The following ARAP2 variants were observed in gnomAD, a reference collection of about 807,000 sequenced individuals.
The protein encoded by ARAP2 is ArfGAP with RhoGAP domain, ankyrin repeat and PH domain 2, also known as arf-GAP with Rho-GAP domain, ANK repeat and PH domain-containing protein 2.
ARAP2 carries 148 observed loss-of-function variants against 194.5 expected under a neutral mutation model. The ratio of observed to expected loss-of-function variants is 0.76; its 90% CI spans 0.67 to 0.87. The LOEUF (loss-of-function observed/expected upper bound fraction) is 0.87. Ranked by LOEUF, ARAP2 falls within the 40% of genes least tolerant of loss-of-function variation. ARAP2 has a pLI of 0.00. For missense variants in ARAP2, 2,128 were observed against 1,989.7 expected, an observed-to-expected ratio of 1.07 and a Z score of -1.32; for synonymous variants, 695 against 683.5, an observed-to-expected ratio of 1.02 and a Z score of -0.26.
chr4:36,075,336 T>C (rs930796507), intron 31 of ARAP2, among the ~76,000 whole-genome samples: 1 of 152,114 alleles, frequency 6.6e-6, no homozygotes, highest in Admixed American at 6.6e-5. Flanking sequence ...CTAAGAGGCA[T>C]TTTTTTCTAC....
chr4:36,236,046 G>A (rs763870120), intron 1 of ARAP2, among the ~76,000 whole-genome samples: 5 of 151,972 alleles, frequency 3.3e-5, no homozygotes, highest in African/African-American at 4.8e-5. Flanking sequence ...GGGTGTGGTG[G>A]TGCACACCTG....
intron 27 of ARAP2, among the ~76,000 whole-genome samples, chr4:36,101,178 C>A (rs1291407833): frequency 6.6e-6 from 1 of 151,898 alleles, no homozygotes; most frequent in Non-Finnish European, 1.5e-5. Context: ...TGAGCATCTG[C>A]AGATTTTGGT....
chr4:36,112,491 G>A (rs1720264386), intron 26 of ARAP2, among the ~76,000 whole-genome samples: 1 of 151,844 alleles, frequency 6.6e-6, no homozygotes. Context: ...AGATATTTCT[G>A]GCAATAATGC....
At chr4:36,104,867 T>C (rs1218590147) in intron 27 of ARAP2, among the ~76,000 whole-genome samples, 1 of 152,024 alleles carries the variant, frequency 6.6e-6, no homozygotes, top group African/African-American at 2.4e-5. Context: ...TTAATGTATT[T>C]GCTGATGGTT....
At chr4:36,047,774 T>C (rs1722065180) in intron 3 of ARAP2, among the ~76,000 whole-genome samples, 1 of 152,222 alleles carries the variant, frequency 6.6e-6, no homozygotes, top group Non-Finnish European at 1.5e-5. Context: ...TTTAGGTTTA[T>C]TATCTCTGAA....
At chr4:36,099,808 A>C (rs1267027527) in intron 27 of ARAP2, among the ~76,000 whole-genome samples, 1 of 152,056 alleles carries the variant, frequency 6.6e-6, no homozygotes, top group East Asian at 1.9e-4. Flanking sequence ...TACAGTACTT[A>C]CCCAGTGGAT....
At chr4:36,150,378 G>GC (rs1730671757) in intron 16 of ARAP2, among the ~76,000 whole-genome samples, 1 of 152,106 alleles carries the variant, frequency 6.6e-6, no homozygotes, top group Non-Finnish European at 1.5e-5. Context: ...AGGCACGGTG[G>GC]CTCACGCCTG....
intron 5 of ARAP2, among the ~76,000 whole-genome samples, chr4:36,025,329 G>A (rs1293166038): frequency 6.6e-6 from 1 of 152,082 alleles, no homozygotes; most frequent in Non-Finnish European, 1.5e-5. Flanking sequence ...TCTTTTTAAA[G>A]CAACTCTTAG....
intron 5 of ARAP2, among the ~76,000 whole-genome samples, chr4:36,038,737 A>G (rs967052860): frequency 6.6e-6 from 1 of 152,190 alleles, no homozygotes; most frequent in Non-Finnish European, 1.5e-5. Flanking sequence ...GCTAATTGTG[A>G]TGATAATTAC....
chr4:36,232,889 T>G (rs1441085411), intron 1 of ARAP2, among the ~76,000 whole-genome samples: 2 of 152,172 alleles, frequency 1.3e-5, no homozygotes, highest in Non-Finnish European at 2.9e-5. Context: ...TATGCATGTG[T>G]GTATTTTTGT....
intron 27 of ARAP2, among the ~76,000 whole-genome samples, chr4:36,104,997 C>T: frequency 6.6e-6 from 1 of 151,886 alleles, no homozygotes; most frequent in Non-Finnish European, 1.5e-5. Context: ...TTATGGCTCC[C>T]ACCCTGTTAG....
chr4:36,146,751 T>A lies in ARAP2; in HGVS notation c.3263+545A>T, dbSNP rs186328838. On this transcript the variant is annotated intron_variant, in intron 19 of 32. Coordinates refer to ENST00000303965, the MANE Select transcript of ARAP2 (RefSeq NM_015230.4). ...GATGGACAGAATAGCATATAATTAT[T>A]TTTGTCTGCTTACACTGTTTTCCCT... Among the ~76,000 whole-genome samples the A allele has an allele frequency of 6.6e-4, 101 of 152,178 alleles. 1 individual carries two copies. The highest frequency in any genetic ancestry group is 3.4e-3 in the Middle Eastern group (1 of 294).
At chr4:36,043,404 A>G (rs902307221) in intron 5 of ARAP2, among the ~76,000 whole-genome samples, 2 of 152,158 alleles carry the variant, frequency 1.3e-5, no homozygotes, top group African/African-American at 4.8e-5. Flanking sequence ...TGCCCTGTCT[A>G]TGTCTCAACA....
chr4:36,242,401 T>C (rs755726319), intron 1 of ARAP2, among the ~76,000 whole-genome samples: 5 of 152,222 alleles, frequency 3.3e-5, no homozygotes, highest in Non-Finnish European at 7.4e-5. Context: ...AGCATTTTTA[T>C]AGTCACTTTC....
chr4:36,065,173 G>A (rs770198173), downstream of ARAP2: 32 of 318,754 alleles, frequency 1.0e-4, no homozygotes, highest in Middle Eastern at 8.6e-4. Context: ...TCTTACACAC[G>A]GGCTTCATGT....
rs397992917 is a variant in ARAP2, at chr4:36,031,679, T to TC, written n.608-12394dup. The stretch of plus-strand genomic sequence containing the variant: ...AGGATTTAAAATCTTTTTTTTTTTT[T>TC]CTTTTTTGAGATGGAGTCTCGCTCT... On this transcript the variant is annotated intron_variant and non_coding_transcript_variant, in intron 5 of 12. Coordinates refer to the ARAP2 transcript ENST00000503225. 1.6e-3 allele frequency among the ~76,000 whole-genome samples: 243 copies of TC among 151,704 alleles called. 2 individuals are homozygous for TC. The highest frequency in any genetic ancestry group is 5.4e-3 in the African/African-American group (223 of 41,362).
Position 36,014,295 on chromosome 4 carries a change from A to AG in ARAP2, n.1056+1090_1056+1091insC, listed in dbSNP as rs202070748. ...AAAGAAAGAAAGAAAGAAAGAAAGAAAGAAGAGAAGGAAGGAAAGAAAGAA... is the reference window on the plus strand; with the variant it reads ...AAAGAAAGAAAGAAAGAAAGAAAGAAGAGAAGAGAAGGAAGGAAAGAAAGAA... On this transcript the variant is annotated intron_variant and non_coding_transcript_variant, in intron 8 of 12. Coordinates refer to the ARAP2 transcript ENST00000503225. Among the ~76,000 whole-genome samples the AG allele has an allele frequency of 1.4e-3, 199 of 143,250 alleles. 3 individuals carry two copies. The highest frequency in any genetic ancestry group is 4.3e-3 in the African/African-American group (156 of 36,652). The allele number at this position is 143,250 out of a possible 152,430, so 94.0% of individuals were successfully genotyped here.
At chr4:36,084,453 G>A (rs981726581) in intron 28 of ARAP2, among the ~76,000 whole-genome samples, 7 of 152,030 alleles carry the variant, frequency 4.6e-5, no homozygotes, top group African/African-American at 1.7e-4. Context: ...CACCAAATGA[G>A]CTGGGATTTT....
chr4:36,019,263 G>A (rs1177260370), exon 6 of ARAP2: 1 of 149,188 alleles, frequency 6.7e-6, no homozygotes, highest in East Asian at 1.9e-4. Flanking sequence ...CCTGCACAGC[G>A]GCATTTTGCT....
Sources: allele counts gnomAD v4.1 joint callset (sites outside exome capture counted in the v4.1 genomes callset), GRCh38; gene constraint gnomAD v4.1.1; transcripts MANE v1.5; gene names NCBI Gene and HGNC (gene_info 2026-07-23, HGNC 2026-07-21).